SLC7A2: variants seen among roughly 807,000 people sequenced by gnomAD.
The protein encoded by SLC7A2 is cationic amino acid transporter 2.
In SLC7A2, 48 loss-of-function variants were observed where a neutral mutation model predicts 58.9. The ratio of observed to expected loss-of-function variants is 0.82; its 90% CI spans 0.65 to 1.04. The LOEUF (loss-of-function observed/expected upper bound fraction) is 1.04. SLC7A2 is among the 50% of genes least tolerant of loss of function. SLC7A2 has a pLI of 0.00. For synonymous variants in SLC7A2, 363 were observed against 314.5 expected, an observed-to-expected ratio of 1.15 and a Z score of -1.63; for missense variants, 1,029 against 818.8, an observed-to-expected ratio of 1.26 and a Z score of -3.13.
chr8:17,563,605 TC>T lies in SLC7A2; in HGVS notation c.1676del (p.Pro559HisfsTer13). 1.3e-6 allele frequency: 2 copies of T among 1,595,206 alleles called. No homozygotes were observed. The highest frequency in any genetic ancestry group is 8.6e-7 in the Non-Finnish European group (1 of 1,163,804). ...QNQQKVAFMVPFLPFLPAFSI... is the reference protein window; with the variant it reads ...QNQQKVAFMVXFLPFLPAFSI... ...AAAAGGATTGTTTTCCCCCTCAGGT[TC>T]CATTCTTACCATTTTTGCCAGCGTT... On this transcript the variant is annotated frameshift_variant, in exon 12 of 13. Coordinates refer to ENST00000494857, the MANE Select transcript of SLC7A2 (RefSeq NM_001370338.1). LOFTEE classifies it high-confidence loss of function.
chr8:17,519,370 G>A (rs1403329631), intron 2 of SLC7A2, among the ~76,000 whole-genome samples: 1 of 152,192 alleles, frequency 6.6e-6, no homozygotes, highest in African/African-American at 2.4e-5. Context: ...TTAGGAGCAT[G>A]TCTCATTCCA....
At chr8:17,548,649 AT>A (rs1392645232) in intron 4 of SLC7A2, 28 bp from the exon 5 acceptor site, 44 of 1,560,274 alleles carry the variant, frequency 2.8e-5, no homozygotes, top group Non-Finnish European at 3.8e-5. Flanking sequence ...CTAAAGCTAA[AT>A]AAAAATTGAA....
intron 2 of SLC7A2, among the ~76,000 whole-genome samples, chr8:17,505,091 C>T (rs947230785): frequency 4.1e-5 from 6 of 145,554 alleles, no homozygotes; most frequent in Non-Finnish European, 7.7e-5. Context: ...ACCCCCCCGC[C>T]GCCCACCCGA....
intron 5 of SLC7A2, among the ~76,000 whole-genome samples, chr8:17,550,032 G>A (rs888259887): frequency 5.9e-5 from 9 of 152,118 alleles, no homozygotes; most frequent in Non-Finnish European, 1.2e-4. Context: ...ATCCTCCCTG[G>A]CTGTGGGTTC....
At chr8:17,550,268 G>A (rs760495661) in intron 5 of SLC7A2, 33 bp from the exon 6 acceptor site, 1 of 1,605,054 alleles carries the variant, frequency 6.2e-7, no homozygotes, top group Non-Finnish European at 8.5e-7. Context: ...TTCTGTCAAA[G>A]TGACTTTCCA....
chr8:17,549,815 A>AATTTCATTATT (rs1231288008), intron 5 of SLC7A2, among the ~76,000 whole-genome samples: 1 of 152,212 alleles, frequency 6.6e-6, no homozygotes, highest in Non-Finnish European at 1.5e-5. Flanking sequence ...TAAAATATTC[A>AATTTCATTATT]ATTTCATTAT....
intron 1 of SLC7A2, chr8:17,499,314 C>T (rs1276325218): frequency 6.7e-6 from 1 of 150,076 alleles, no homozygotes; most frequent in East Asian, 2.0e-4. Flanking sequence ...CCCTCCTTCT[C>T]CCTCCTTTCT....
At position 17,505,334 on chromosome 8, in the gene SLC7A2, T is replaced by C. The variant is rs144539871; in HGVS notation, c.-23+3032T>C. On this transcript the variant is annotated intron_variant, in intron 2 of 12. Transcript: ENST00000494857. ...ATCCTGTGAGCAGGATGGGGCCTTC[T>C]TGGTCATGCATCCTTTCCTCTTGCT... Among the ~76,000 whole-genome samples, 234 of 152,320 alleles carry C rather than the reference T, an allele frequency of 1.5e-3. 1 individual carries two copies. The highest frequency in any genetic ancestry group is 5.2e-3 in the African/African-American group (218 of 41,572).
intron 4 of SLC7A2, 146 bp from the exon 5 acceptor site, chr8:17,548,532 T>G (rs903728364): frequency 1.7e-6 from 1 of 584,838 alleles, no homozygotes. Context: ...AATTAACTAA[T>G]GAGTAAGAAC....
upstream of SLC7A2, among the ~76,000 whole-genome samples, chr8:17,496,771 G>T (rs951750493): frequency 1.3e-5 from 2 of 152,186 alleles, no homozygotes; most frequent in Non-Finnish European, 2.9e-5. Flanking sequence ...CTGCTTAGAA[G>T]ATTCGGAAAT....
At chr8:17,557,167 C>T (rs1476964641) in intron 8 of SLC7A2, among the ~76,000 whole-genome samples, 1 of 152,108 alleles carries the variant, frequency 6.6e-6, no homozygotes. Context: ...ATCATTGACT[C>T]AAAGGTAAAA....
intron 3 of SLC7A2, among the ~76,000 whole-genome samples, chr8:17,543,972 G>A (rs1005419190): frequency 2.0e-5 from 3 of 152,170 alleles, no homozygotes; most frequent in African/African-American, 4.8e-5. Flanking sequence ...GGCTTCAAGC[G>A]ATTCTCCTGC....
intron 2 of SLC7A2, among the ~76,000 whole-genome samples, chr8:17,537,087 C>T (rs1017033832): frequency 2.0e-5 from 3 of 152,178 alleles, no homozygotes; most frequent in East Asian, 1.9e-4. Flanking sequence ...GATGGAGTCT[C>T]GCTCTGTTGC....
Position 17,506,758 on chromosome 8 carries a change from A to AT in SLC7A2, c.-23+4467dup, listed in dbSNP as rs11443629. Among the ~76,000 whole-genome samples the AT allele has an allele frequency of 4.4e-3, 650 of 148,128 alleles. 4 individuals are homozygous for AT. The highest frequency in any genetic ancestry group is 6.2e-3 in the Non-Finnish European group (416 of 66,894). Reference sequence around the variant, plus strand: ...TACTAGAATGCACTACTTCTGTGGAATTTTTTTTTTTGAGACAGACTCTTG... The same window carrying AT: ...TACTAGAATGCACTACTTCTGTGGAATTTTTTTTTTTTGAGACAGACTCTTG... On this transcript the variant is annotated intron_variant, in intron 2 of 12. Coordinates refer to ENST00000494857, the MANE Select transcript of SLC7A2 (RefSeq NM_001370338.1).
intron 9 of SLC7A2, among the ~76,000 whole-genome samples, chr8:17,558,678 T>C (rs1217462413): frequency 6.6e-6 from 1 of 152,210 alleles, no homozygotes; most frequent in Non-Finnish European, 1.5e-5. Flanking sequence ...TTTGTTCCAT[T>C]GATTCAGTTG....
chr8:17,505,129 A>G (rs559215300), intron 2 of SLC7A2, among the ~76,000 whole-genome samples: 4 of 151,482 alleles, frequency 2.6e-5, no homozygotes, highest in Middle Eastern at 3.4e-3. Flanking sequence ...CCCTGTAAAA[A>G]AGAATGCACA....
intron 2 of SLC7A2, among the ~76,000 whole-genome samples, chr8:17,515,876 G>T (rs1800784747): frequency 6.6e-6 from 1 of 152,178 alleles, no homozygotes; most frequent in Non-Finnish European, 1.5e-5. Flanking sequence ...ACATCTGATA[G>T]CTTTAGTGGT....
At position 17,566,532 on chromosome 8, in the gene SLC7A2, A is replaced by G. The variant is rs1803271972; in HGVS notation, c.*1386A>G. The G allele has an allele frequency of 6.6e-6, 1 of 152,228 alleles. No individual in the cohort carries two copies. Among genetic ancestry groups the G allele is most frequent in the Non-Finnish European group, 1.5e-5 (1 of 68,038 alleles). 9.4% of individuals were successfully genotyped at this position (152,228 alleles called of 1,614,324 possible). On this transcript the variant is annotated 3_prime_UTR_variant, in exon 13 of 13. Coordinates refer to ENST00000494857, the MANE Select transcript of SLC7A2 (RefSeq NM_001370338.1). ...CACTAAGCCTAATAATACAAGCTCC[A>G]GTGTTATACAATAACCCATCAGTGA...
At chr8:17,527,462 G>A (rs891689552) in intron 2 of SLC7A2, among the ~76,000 whole-genome samples, 5 of 152,232 alleles carry the variant, frequency 3.3e-5, no homozygotes, top group African/African-American at 4.8e-5. Flanking sequence ...TATTAATTTC[G>A]TAGGGTTGCC....
Sources: allele counts gnomAD v4.1 joint callset (sites outside exome capture counted in the v4.1 genomes callset), GRCh38; gene constraint gnomAD v4.1.1; transcripts MANE v1.5; gene names NCBI Gene and HGNC (gene_info 2026-07-23, HGNC 2026-07-21).